SMARCC1: variants seen among roughly 807,000 people sequenced by gnomAD.
SMARCC1 encodes the protein SWI/SNF complex subunit SMARCC1.
A neutral mutation model predicts 147.4 loss-of-function variants in SMARCC1; 43 were observed. That is an observed-to-expected ratio of 0.29 (90% CI 0.23 to 0.38). The LOEUF (loss-of-function observed/expected upper bound fraction) is 0.38, where lower values mean the gene tolerates loss of function less well. Among genes scored for constraint, SMARCC1 ranks in the 10% least tolerant of loss-of-function variants. The pLI is 1.00. For missense variants in SMARCC1, 1,119 were observed against 1,381.1 expected (o/e 0.81, Z 3.01); for synonymous variants, 495 against 484.4 (o/e 1.02, Z -0.29).
chr3:47,746,116 C>T lies in SMARCC1; in HGVS notation c.316-123G>A, dbSNP rs146379834. ...ATACTAATTAAACAACCTCCTTAAA[C>T]ATCTTCTTGAATAAACTGAGGAATC... On this transcript the variant is annotated intron_variant, in intron 2 of 27. Coordinates refer to ENST00000254480, the MANE Select transcript of SMARCC1 (RefSeq NM_003074.4). 2.2e-3 allele frequency: 1,300 copies of T among 582,182 alleles called. 14 individuals are homozygous for T. Among genetic ancestry groups the T allele is most frequent in the African/African-American group, 0.021 (1,098 of 51,282 alleles). 36.1% of individuals were successfully genotyped at this position (582,182 alleles called of 1,614,324 possible).
intron 7 of SMARCC1, among the ~76,000 whole-genome samples, chr3:47,715,506 A>G (rs1164321281): frequency 6.6e-6 from 1 of 152,174 alleles, no homozygotes; most frequent in African/African-American, 2.4e-5. Context: ...TCTAGAATCT[A>G]TCTAATTCTT....
At chr3:47,621,818 TAAAAA>T (rs775171684) in intron 25 of SMARCC1, among the ~76,000 whole-genome samples, 2 of 129,512 alleles carry the variant, frequency 1.5e-5, no homozygotes, top group African/African-American at 2.9e-5. Flanking sequence ...ATTAAAACTT[TAAAAA>T]AAAAAAAAAA....
intron 26 of SMARCC1, among the ~76,000 whole-genome samples, chr3:47,597,307 C>T (rs2032300606): frequency 1.3e-5 from 2 of 152,066 alleles, no homozygotes; most frequent in South Asian, 2.1e-4. Context: ...CAGGTGTGCA[C>T]CACCACGTCA....
intron 27 of SMARCC1, 79 bp downstream of exon 27, chr3:47,590,582 A>T: frequency 7.9e-7 from 1 of 1,258,452 alleles, no homozygotes; most frequent in Admixed American, 3.2e-5. Flanking sequence ...TCTCGGGGAG[A>T]GAACAAAGCC....
At chr3:47,614,065 G>C (rs1559625891) in intron 25 of SMARCC1, among the ~76,000 whole-genome samples, 1 of 152,198 alleles carries the variant, frequency 6.6e-6, no homozygotes, top group Non-Finnish European at 1.5e-5. Flanking sequence ...GAGACTTGAA[G>C]CCTCAGAGCT....
intron 21 of SMARCC1, among the ~76,000 whole-genome samples, chr3:47,651,900 T>A (rs758153116): frequency 6.6e-6 from 1 of 152,196 alleles, no homozygotes; most frequent in Non-Finnish European, 1.5e-5. Flanking sequence ...CTGAGTTTGA[T>A]TTTTTGTGAT....
chr3:47,693,381 T>C (rs1314812287), intron 11 of SMARCC1, 81 bp from the exon 12 acceptor site: 1 of 772,994 alleles, frequency 1.3e-6, no homozygotes, highest in Admixed American at 2.0e-5. Context: ...TAGGACATGA[T>C]TAAACGACAT....
chr3:47,649,144 AAGAG>A (rs1470905212), intron 21 of SMARCC1, among the ~76,000 whole-genome samples: 1 of 152,226 alleles, frequency 6.6e-6, no homozygotes, highest in Non-Finnish European at 1.5e-5. Flanking sequence ...AACAAAGAGA[AAGAG>A]AGAAGCCCAC....
intron 7 of SMARCC1, among the ~76,000 whole-genome samples, chr3:47,718,801 G>A (rs974439787): frequency 2.0e-5 from 3 of 151,962 alleles, no homozygotes; most frequent in African/African-American, 7.2e-5. Flanking sequence ...TGACAAGAAT[G>A]AAATAAATAC....
intron 2 of SMARCC1, among the ~76,000 whole-genome samples, chr3:47,766,444 C>T (rs2034841273): frequency 6.6e-6 from 1 of 151,552 alleles, no homozygotes. Flanking sequence ...GTGGTGCATG[C>T]TTGTCCCAAC....
rs894158087 is a variant in SMARCC1 at position 47,621,020 on chromosome 3, G to A, written c.2781+1187C>T. Among the ~76,000 whole-genome samples the A allele has an allele frequency of 1.1e-4, 16 of 151,994 alleles. No individual in the cohort carries two copies. In the East Asian group the frequency reaches 1.7e-3, roughly 16 times the overall value. On this transcript the variant is annotated intron_variant, in intron 25 of 27. Coordinates refer to ENST00000254480, the MANE Select transcript of SMARCC1 (RefSeq NM_003074.4). Reference sequence around the variant, plus strand: ...ATACCCAAAAGAAAATAAATTGTTCGGCCGGGCATGGTGGCTCACGCCTGT... The same window carrying A: ...ATACCCAAAAGAAAATAAATTGTTCAGCCGGGCATGGTGGCTCACGCCTGT...
intron 18 of SMARCC1, among the ~76,000 whole-genome samples, chr3:47,673,557 C>T (rs1287815964): frequency 6.6e-6 from 1 of 152,102 alleles, no homozygotes; most frequent in African/African-American, 2.4e-5. Context: ...GGCGTGGTGG[C>T]ACACGCCTGT....
At chr3:47,701,095 TAAAC>T (rs2033911801) in intron 11 of SMARCC1, among the ~76,000 whole-genome samples, 179 bp downstream of exon 11, 1 of 152,120 alleles carries the variant, frequency 6.6e-6, no homozygotes, top group South Asian at 2.1e-4. Context: ...GTTTTCTCTA[TAAAC>T]AAAGAGTAAA....
rs1213892830 is a variant in SMARCC1, at chr3:47,675,637, G to C, written c.1726-49C>G. 6 of 1,023,022 alleles carry C rather than the reference G, an allele frequency of 5.9e-6. No homozygotes were observed. The South Asian group carries it at 7.8e-5, about 13-fold the overall frequency. 63.4% of individuals were successfully genotyped at this position (1,023,022 alleles called of 1,614,324 possible). On this transcript the variant is annotated intron_variant, in intron 17 of 27. Transcript: ENST00000254480. ...GCTGAGTTAGCCTCTTTAAAGTCAA[G>C]AGGGTAAATGTTTTTAAAAATTTGT... is the stretch of plus-strand genomic sequence containing the variant.
chr3:47,637,293 C>T (rs969827533), intron 22 of SMARCC1, among the ~76,000 whole-genome samples: 3 of 152,198 alleles, frequency 2.0e-5, no homozygotes, highest in Non-Finnish European at 2.9e-5. Context: ...ATTACCCTCA[C>T]CCTCCCCTTA....
chr3:47,748,030 C>A (rs894965468), intron 2 of SMARCC1, among the ~76,000 whole-genome samples: 21 of 151,766 alleles, frequency 1.4e-4, no homozygotes, highest in Admixed American at 1.1e-3. Context: ...TGGTGGCGGG[C>A]GCATGTAATC....
At chr3:47,618,299 T>C (rs2032675268) in intron 25 of SMARCC1, among the ~76,000 whole-genome samples, 1 of 151,818 alleles carries the variant, frequency 6.6e-6, no homozygotes, top group Non-Finnish European at 1.5e-5. Flanking sequence ...CCAAACCCCT[T>C]GGGAGGAGAA....
At chr3:47,628,815 C>A (rs1447356168) in intron 24 of SMARCC1, among the ~76,000 whole-genome samples, 1 of 152,126 alleles carries the variant, frequency 6.6e-6, no homozygotes, top group Admixed American at 6.6e-5. Context: ...AATGATCCGC[C>A]CACCTCGGCC....
intron 26 of SMARCC1, among the ~76,000 whole-genome samples, chr3:47,598,602 G>A (rs1033092704): frequency 2.0e-5 from 3 of 151,922 alleles, no homozygotes; most frequent in Non-Finnish European, 2.9e-5. Flanking sequence ...GGCTGAGGTG[G>A]GTGGATTACT....
Sources: allele counts gnomAD v4.1 joint callset (sites outside exome capture counted in the v4.1 genomes callset), GRCh38; gene constraint gnomAD v4.1.1; transcripts MANE v1.5; gene names NCBI Gene and HGNC (gene_info 2026-07-23, HGNC 2026-07-21).